Variants in HSH2D observed in about 807,000 individuals in gnomAD.
HSH2D encodes hematopoietic SH2 domain containing, also known as hematopoietic SH2 domain-containing protein.
A neutral mutation model predicts 21.5 loss-of-function variants in HSH2D; 16 were observed. The observed-to-expected ratio is 0.74, with a 90% CI of 0.50 to 1.13. HSH2D has a LOEUF of 1.13. Among genes scored for constraint, HSH2D ranks in the 50% most tolerant of loss-of-function variants. HSH2D has a pLI of 0.00. For missense variants in HSH2D, 418 were observed against 441.4 expected, an observed-to-expected ratio of 0.95 and a Z score of 0.47; for synonymous variants, 172 against 184.7, an observed-to-expected ratio of 0.93 and a Z score of 0.56.
rs1015109069 is a variant in HSH2D at position 16,146,298 on chromosome 19, G to A, written c.-27-2426G>A. On this transcript the variant is annotated intron_variant, in intron 1 of 5. Coordinates refer to ENST00000613986, the MANE Select transcript of HSH2D (RefSeq NM_001382417.1). ...GAATTAATGATGCATCTGACATATCGTAGGTGTGCCATGAGTGGCTACAAC... is the reference window on the plus strand; with the variant it reads ...GAATTAATGATGCATCTGACATATCATAGGTGTGCCATGAGTGGCTACAAC... Among the ~76,000 whole-genome samples, 6 of 152,198 alleles carry A rather than the reference G, an allele frequency of 3.9e-5. No homozygotes were observed. In the South Asian group the frequency reaches 8.3e-4, roughly 21 times the overall value.
At position 16,154,484 on chromosome 19, in the gene HSH2D, CT is replaced by C; in HGVS notation, c.468del (p.Glu157ArgfsTer22). On this transcript the variant is annotated frameshift_variant, in exon 5 of 6. Coordinates refer to ENST00000613986, the MANE Select transcript of HSH2D (RefSeq NM_001382417.1). LOFTEE classifies it low-confidence loss of function (END_TRUNC). ...AEEAACPVSAPEEASPKPVLC... is the reference protein window; with the variant it reads ...AEEAACPVSAXEEASPKPVLC... ...GAAGCTGCCTGCCCGGTGTCTGCCCCTGAGGAGGTATGTATATGACAGGAGG... is the reference window on the plus strand; with the variant it reads ...GAAGCTGCCTGCCCGGTGTCTGCCCCGAGGAGGTATGTATATGACAGGAGG... The C allele has an allele frequency of 6.4e-7, 1 of 1,550,726 alleles. No homozygotes were observed. The highest frequency in any genetic ancestry group is 8.7e-7 in the Non-Finnish European group (1 of 1,146,102).
chr19:16,147,351 G>A (rs1040260600), intron 1 of HSH2D, among the ~76,000 whole-genome samples: 1 of 151,500 alleles, frequency 6.6e-6, no homozygotes. Context: ...AGGCGTGGTG[G>A]CACATGCCTG....
chr19:16,153,014 A>T, intron 3 of HSH2D, 29 bp from the exon 4 acceptor site: 1 of 1,599,432 alleles, frequency 6.3e-7, no homozygotes, highest in Non-Finnish European at 8.5e-7. Context: ...GGGGAGTAGG[A>T]TGTCCCAGCC....
intron 1 of HSH2D, among the ~76,000 whole-genome samples, chr19:16,146,472 T>G (rs1568328987): frequency 6.6e-6 from 1 of 152,014 alleles, no homozygotes; most frequent in Non-Finnish European, 1.5e-5. Flanking sequence ...GCCCAGGAGT[T>G]CAAAGCCAGA....
At chr19:16,145,088 G>C (rs2145027443) in intron 1 of HSH2D, among the ~76,000 whole-genome samples, 1 of 146,818 alleles carries the variant, frequency 6.8e-6, no homozygotes, top group Non-Finnish European at 1.5e-5. Context: ...GCTCAGGCTG[G>C]AGTGCAGTGG....
chr19:16,154,235 A>C, intron 4 of HSH2D, among the ~76,000 whole-genome samples, 164 bp from the exon 5 acceptor site: 1 of 152,100 alleles, frequency 6.6e-6, no homozygotes, highest in East Asian at 1.9e-4. Context: ...ATCCCTAAGA[A>C]ATGGCTGTGG....
In HSH2D at chr19:16,157,872, G is replaced by A. The variant is rs1410115156; in HGVS notation, c.*78G>A. 2 of 1,086,422 alleles carry A rather than the reference G, an allele frequency of 1.8e-6. No individual in the cohort carries two copies. The highest frequency in any genetic ancestry group is 2.6e-6 in the Non-Finnish European group (2 of 776,342). 67.3% of individuals were successfully genotyped at this position (1,086,422 alleles called of 1,614,324 possible). The stretch of plus-strand genomic sequence containing the variant: ...TGAATGCCTTAACATTTCTTCCATG[G>A]CCCCACACCATGGCATCCGGGGGTC... On this transcript the variant is annotated 3_prime_UTR_variant, in exon 6 of 6. Transcript: ENST00000613986. The surrounding 1 kb of genome is among the most constrained non-coding windows in gnomAD (Gnocchi z 4.4).
chr19:16,147,231 T>A (rs2091083647), intron 1 of HSH2D, among the ~76,000 whole-genome samples: 2 of 152,066 alleles, frequency 1.3e-5, no homozygotes, highest in Admixed American at 1.3e-4. Flanking sequence ...ACACCTGTAA[T>A]GCTAGCACTT....
intron 3 of HSH2D, 173 bp from the exon 4 acceptor site, chr19:16,152,870 G>A (rs1401491584): frequency 1.2e-6 from 1 of 821,134 alleles, no homozygotes; most frequent in Admixed American, 2.0e-5. Flanking sequence ...GGGAAACTGA[G>A]GCACAGCGAG....
intron 1 of HSH2D, among the ~76,000 whole-genome samples, chr19:16,144,699 T>TA: frequency 7.6e-6 from 1 of 131,514 alleles, no homozygotes; most frequent in South Asian, 2.4e-4. Flanking sequence ...TTTTTTTTTT[T>TA]TTTTTTTTTT....
chr19:16,157,725 A>C lies in HSH2D; in HGVS notation c.990A>C (p.Ala330=). The C allele has an allele frequency of 6.2e-7, 1 of 1,613,188 alleles. No homozygotes were observed. The highest frequency in any genetic ancestry group is 8.5e-7 in the Non-Finnish European group (1 of 1,179,724). ...QESKPEHQGL[A]EPENDQLPEE... The stretch of plus-strand genomic sequence containing the variant: ...CCAAGCCAGAGCACCAGGGCTTGGC[A>C]GAGCCTGAGAACGACCAGCTCCCGG... Residue 330 remains alanine, a synonymous_variant, in exon 6 of 6, where the codon GCA becomes GCC. Coordinates refer to ENST00000613986, the MANE Select transcript of HSH2D (RefSeq NM_001382417.1). This position sits in a 1 kb window ranked among gnomAD's most constrained non-coding sequence, Gnocchi z 4.4.
upstream of HSH2D, among the ~76,000 whole-genome samples, chr19:16,143,032 G>T (rs1262777800): frequency 1.3e-5 from 2 of 152,166 alleles, no homozygotes; most frequent in Non-Finnish European, 2.9e-5. Context: ...GCCTCCCAAA[G>T]TGCTGGGATT....
Position 16,157,440 on chromosome 19 carries a change from T to C in HSH2D, c.705T>C (p.Asp235=), listed in dbSNP as rs746579042. 6.2e-7 allele frequency: 1 copy of C among 1,613,850 alleles called. No homozygotes were observed. Among genetic ancestry groups the C allele is most frequent in the East Asian group, 2.2e-5 (1 of 44,876 alleles). The change falls in exon 6 of 6, where the codon GAT becomes GAC. Residue 235 remains aspartate (D), a synonymous_variant. Transcript: ENST00000613986. The surrounding 1 kb of genome is among the most constrained non-coding windows in gnomAD (Gnocchi z 4.4). ...LATVNLSSLL[D]VRRSTVISGP... is the part of the protein sequence containing the mutation. ...CTGTGAACTTGTCGTCACTCTTGGA[T>C]GTCCGGAGATCCACGGTGATCTCAG...
intron 5 of HSH2D, 80 bp downstream of exon 5, chr19:16,154,571 G>A: frequency 1.3e-6 from 1 of 799,886 alleles, no homozygotes; most frequent in Non-Finnish European, 2.0e-6. Context: ...TCCAGAGGAG[G>A]CTCCTTCTAG....
intron 2 of HSH2D, among the ~76,000 whole-genome samples, chr19:16,152,005 G>A (rs1213817935): frequency 6.6e-6 from 1 of 150,544 alleles, no homozygotes; most frequent in African/African-American, 2.4e-5. Flanking sequence ...TACTCAGGAG[G>A]CTGAGGCAAG....
At chr19:16,151,943 T>TAAA (rs35017472) in intron 2 of HSH2D, among the ~76,000 whole-genome samples, 2 of 109,564 alleles carry the variant, frequency 1.8e-5, no homozygotes, top group African/African-American at 3.5e-5. Flanking sequence ...CTGTCTCTAC[T>TAAA]AAAAAAAAAA....
At chr19:16,134,741 A>G (rs1346289076) in intron 1 of HSH2D, among the ~76,000 whole-genome samples, 1 of 151,908 alleles carries the variant, frequency 6.6e-6, no homozygotes, top group East Asian at 1.9e-4. Context: ...CCACTTCCTC[A>G]TGGGTTTCAG....
At chr19:16,149,742 G>A (rs575565488) in intron 2 of HSH2D, among the ~76,000 whole-genome samples, 5 of 151,156 alleles carry the variant, frequency 3.3e-5, no homozygotes, top group South Asian at 2.1e-4. Context: ...CACCGCACCC[G>A]GCTAATATTT....
chr19:16,136,083 G>A (rs1259671771), intron 1 of HSH2D, among the ~76,000 whole-genome samples: 1 of 152,152 alleles, frequency 6.6e-6, no homozygotes, highest in Non-Finnish European at 1.5e-5. Flanking sequence ...GACCATGCTA[G>A]AGGCCTGCCC....
Sources: allele counts gnomAD v4.1 joint callset (sites outside exome capture counted in the v4.1 genomes callset), GRCh38; gene constraint gnomAD v4.1.1; non-coding constraint Gnocchi (gnomAD v3.1); transcripts MANE v1.5; gene names NCBI Gene and HGNC (gene_info 2026-07-23, HGNC 2026-07-21).